Variants in VPS13D observed in about 807,000 individuals in gnomAD.
The protein encoded by VPS13D is vacuolar protein sorting 13 homolog D.
A neutral mutation model predicts 461.9 loss-of-function variants in VPS13D; 187 were observed. The observed-to-expected ratio is 0.40, with a 90% CI of 0.36 to 0.46. The LOEUF (loss-of-function observed/expected upper bound fraction) is 0.46. VPS13D is among the 20% of genes least tolerant of loss of function. The probability of loss-of-function intolerance (pLI) is 0.60; values close to 1 mark genes in which losing one functional copy is unlikely to be tolerated. For synonymous variants in VPS13D, 1,951 were observed against 1,986.3 expected (o/e 0.98, Z 0.47); for missense variants, 4,711 against 5,364.9 (o/e 0.88, Z 3.81).
chr1:12,372,022 C>T (rs750868243), intron 54 of VPS13D, among the ~76,000 whole-genome samples: 24 of 152,096 alleles, frequency 1.6e-4, no homozygotes, highest in Non-Finnish European at 3.1e-4. Context: ...TTCTCCACAT[C>T]CTCACCAACA....
chr1:12,342,060 G>T (rs1643581241), intron 41 of VPS13D, among the ~76,000 whole-genome samples, 175 bp downstream of exon 41: 1 of 152,192 alleles, frequency 6.6e-6, no homozygotes, highest in African/African-American at 2.4e-5. Flanking sequence ...AGAATCTATA[G>T]TCAGAGAAGC....
chr1:12,349,855 A>G (rs1376692789), intron 46 of VPS13D, among the ~76,000 whole-genome samples: 6 of 152,220 alleles, frequency 3.9e-5, no homozygotes, highest in Non-Finnish European at 7.3e-5. Context: ...ATTATACGGG[A>G]GTATGTTACT....
chr1:12,487,001 T>G (rs1032861087), intron 67 of VPS13D, among the ~76,000 whole-genome samples: 1 of 151,900 alleles, frequency 6.6e-6, no homozygotes, highest in Non-Finnish European at 1.5e-5. Context: ...TCACCCTCCC[T>G]GGAAGAGATG....
At chr1:12,370,543 C>G (rs932517309) in intron 54 of VPS13D, among the ~76,000 whole-genome samples, 19 of 152,204 alleles carry the variant, frequency 1.2e-4, no homozygotes. Flanking sequence ...CATTATCTCT[C>G]TCATCTGCTT....
Position 12,362,767 on chromosome 1 carries a change from G to A in VPS13D, c.10189G>A (p.Val3397Ile). The A allele has an allele frequency of 6.2e-7, 1 of 1,614,214 alleles. No homozygotes were observed. Among genetic ancestry groups the A allele is most frequent in the African/African-American group, 1.3e-5 (1 of 75,066 alleles). ...AGGTCGATACATTGATACCTGCATG[G>A]TCATCTTTGCCCCCCGTTACCTGTT... is the stretch of plus-strand genomic sequence containing the variant. ...GRGRYIDTCM[V>I]IFAPRYLLDN... The change falls in exon 51 of 70, where the codon GTC becomes ATC. Residue 3397 changes from valine to isoleucine, a missense_variant. By Grantham distance (29) the Val-to-Ile change is conservative (BLOSUM62 3). Coordinates refer to ENST00000620676, the MANE Select transcript of VPS13D (RefSeq NM_015378.4).
chr1:12,298,613 G>C (rs1233499289), intron 24 of VPS13D, among the ~76,000 whole-genome samples: 1 of 151,206 alleles, frequency 6.6e-6, no homozygotes, highest in Non-Finnish European at 1.5e-5. Flanking sequence ...CTGTACTCCA[G>C]CCTGGGCAAC....
chr1:12,483,203 T>TATTC (rs1253228682), intron 67 of VPS13D, among the ~76,000 whole-genome samples: 1 of 152,244 alleles, frequency 6.6e-6, no homozygotes, highest in East Asian at 1.9e-4. Flanking sequence ...CAGCTCTGGC[T>TATTC]ATTCATTCAT....
chr1:12,448,047 G>C (rs1299906009), intron 65 of VPS13D, among the ~76,000 whole-genome samples: 1 of 152,100 alleles, frequency 6.6e-6, no homozygotes, highest in East Asian at 1.9e-4. Context: ...TTTGATTTGT[G>C]TTTTTTTCCA....
intron 49 of VPS13D, 145 bp from the exon 50 acceptor site, chr1:12,358,314 C>A: frequency 8.9e-7 from 1 of 1,122,224 alleles, no homozygotes; most frequent in Non-Finnish European, 1.2e-6. Context: ...TGTCACTGTG[C>A]TAGGGAATCA....
At chr1:12,498,359 G>A (rs1570288306) in intron 68 of VPS13D, among the ~76,000 whole-genome samples, 1 of 152,188 alleles carries the variant, frequency 6.6e-6, no homozygotes, top group East Asian at 1.9e-4. Flanking sequence ...TCTGAGTGCT[G>A]TGGGTGTTTT....
chr1:12,385,566 C>G (rs1470212120), intron 59 of VPS13D, among the ~76,000 whole-genome samples, 193 bp downstream of exon 59: 1 of 149,092 alleles, frequency 6.7e-6, no homozygotes, highest in Non-Finnish European at 1.5e-5. Flanking sequence ...TATGTGGAAT[C>G]AGCATGTAGT....
chr1:12,508,796 T>A lies in VPS13D; in HGVS notation c.13036-97T>A, dbSNP rs1646147486. 3.9e-6 allele frequency: 5 copies of A among 1,297,978 alleles called. No homozygotes were observed. In the South Asian group the frequency reaches 7.1e-5, roughly 18 times the overall value. The allele number at this position is 1,297,978 out of a possible 1,614,324, so 80.4% of individuals were successfully genotyped here. The stretch of plus-strand genomic sequence containing the variant: ...TTTCTTTGACGTGTACATCCCATCC[T>A]GAGATGCAGCTGGGCTGGGAGCCGC... On this transcript the variant is annotated intron_variant, in intron 69 of 69. Coordinates refer to ENST00000620676, the MANE Select transcript of VPS13D (RefSeq NM_015378.4).
chr1:12,407,300 G>A (rs1644668492), intron 63 of VPS13D: 1 of 152,228 alleles, frequency 6.6e-6, no homozygotes, highest in Admixed American at 6.5e-5. Context: ...GGACATGGCC[G>A]AGGGAATAGC....
At position 12,268,880 on chromosome 1, in the gene VPS13D, A is replaced by C; in HGVS notation, c.1972+4A>C. On this transcript the variant is annotated splice_donor_region_variant and intron_variant, in intron 16 of 69. Coordinates refer to ENST00000620676, the MANE Select transcript of VPS13D (RefSeq NM_015378.4). ...AAGGGAAAGGTTCATACCTCAGGTT[A>C]ACTTTTTTGTTTGTTTGATCTTATG... 6.2e-7 allele frequency: 1 copy of C among 1,601,056 alleles called. No individual in the cohort carries two copies. The highest frequency in any genetic ancestry group is 8.5e-7 in the Non-Finnish European group (1 of 1,176,612).
intron 65 of VPS13D, among the ~76,000 whole-genome samples, chr1:12,431,592 G>GA (rs752974901): frequency 4.0e-5 from 6 of 151,750 alleles, no homozygotes. Context: ...CCATTTGTGT[G>GA]TCTGTCTCCC....
At chr1:12,317,895 A>C (rs943986163) in intron 30 of VPS13D, among the ~76,000 whole-genome samples, 177 bp from the exon 31 acceptor site, 1 of 152,204 alleles carries the variant, frequency 6.6e-6, no homozygotes, top group Non-Finnish European at 1.5e-5. Flanking sequence ...GTGTTATTAA[A>C]CCAGTAATAC....
intron 58 of VPS13D, among the ~76,000 whole-genome samples, chr1:12,384,458 T>A (rs1644324145): frequency 6.6e-6 from 1 of 152,124 alleles, no homozygotes; most frequent in Non-Finnish European, 1.5e-5. Context: ...AAGATGTCCA[T>A]AAGTCATTGT....
chr1:12,277,824 G>T lies in VPS13D; in HGVS notation c.4236G>T (p.Ala1412=). Residue 1412 remains alanine (A), a synonymous_variant, in exon 19 of 70, where the codon GCG becomes GCT. Transcript: ENST00000620676. ...LGQIFIQNFV[A]GDDESRSDRL... ...AGATATTCATCCAGAATTTTGTGGC[G>T]GGAGATGATGAATCCAGAAGTGACC... 2 of 1,614,060 alleles carry T rather than the reference G, an allele frequency of 1.2e-6. No homozygotes were observed. Among genetic ancestry groups the T allele is most frequent in the East Asian group, 4.5e-5 (2 of 44,888 alleles).
At chr1:12,469,147 C>T (rs943617259) in intron 67 of VPS13D, among the ~76,000 whole-genome samples, 9 of 152,070 alleles carry the variant, frequency 5.9e-5, no homozygotes, top group South Asian at 2.1e-4. Flanking sequence ...TTGAGGAAAC[C>T]GCTTTCTGAT....
Sources: gnomAD v4.1 joint callset for allele counts (sites outside exome capture counted in the v4.1 genomes callset) on GRCh38, gnomAD v4.1.1 for gene constraint, MANE v1.5 for transcripts, NCBI Gene and HGNC (gene_info 2026-07-23, HGNC 2026-07-21) for gene names.